NEAT1: variants seen among roughly 807,000 people sequenced by gnomAD.
NEAT1 encodes MENepsilon/beta.
chr11:65,430,394 T>C (rs551131323), exon 1 of NEAT1: 1 of 152,376 alleles, frequency 6.6e-6, no homozygotes, highest in South Asian at 2.1e-4. Flanking sequence ...TCCAGTAGTA[T>C]TTCCCTGTAC....
At chr11:65,444,305 GTGT>G (rs1856743877) in exon 1 of NEAT1, 2 of 383,634 alleles carry the variant, frequency 5.2e-6, no homozygotes, top group African/African-American at 4.9e-5. Context: ...GTGTGTGTGT[GTGT>G]GTGTGTGTGT....
At chr11:65,436,635 A>G (rs1378357042) in exon 1 of NEAT1, 4 of 152,216 alleles carry the variant, frequency 2.6e-5, no homozygotes, top group African/African-American at 9.6e-5. Flanking sequence ...CCTGTCTTGC[A>G]CTGTGGACTG....
chr11:65,427,784 G>A (rs613316), exon 1 of NEAT1: 97,645 of 151,950 alleles, frequency 0.64, 33,027 homozygotes, highest in Non-Finnish European at 0.74. Flanking sequence ...CTTGTTTCTC[G>A]TCCTGTTTTT....
At chr11:65,424,667 G>A (rs1002592156) in exon 1 of NEAT1, 4 of 152,252 alleles carry the variant, frequency 2.6e-5, no homozygotes, top group African/African-American at 9.7e-5. Context: ...GAGGGTACAA[G>A]TTGGTCATTC....
chr11:65,423,996 C>T (rs1161514344), exon 1 of NEAT1: 1 of 152,254 alleles, frequency 6.6e-6, no homozygotes, highest in East Asian at 1.9e-4. Flanking sequence ...AACCGGGAGA[C>T]ATGGAGTCCC....
At chr11:65,426,806 A>G (rs1418246215) in exon 1 of NEAT1, 2 of 152,212 alleles carry the variant, frequency 1.3e-5, no homozygotes, top group African/African-American at 2.4e-5. Flanking sequence ...GTGGGTGTGT[A>G]GGTGGGGAGT....
exon 1 of NEAT1, chr11:65,432,610 G>A (rs1366613421): frequency 6.7e-6 from 1 of 149,754 alleles, no homozygotes; most frequent in African/African-American, 2.5e-5. Context: ...ATACTGTCTT[G>A]GTTTTTTCGT....
chr11:65,444,452 T>G (rs1321515005), exon 1 of NEAT1: 1 of 472,268 alleles, frequency 2.1e-6, no homozygotes, highest in Non-Finnish European at 4.4e-6. Context: ...TCTCTGAGCC[T>G]CTGCTTCCCA....
chr11:65,443,366 C>T lies in NEAT1; in HGVS notation n.20569C>T, dbSNP rs552755002. 68 of 152,368 alleles carry T rather than the reference C, an allele frequency of 4.5e-4. 1 individual carries two copies. The highest frequency in any genetic ancestry group is 1.5e-3 in the African/African-American group (63 of 41,584). 9.4% of individuals were successfully genotyped at this position (152,368 alleles called of 1,614,324 possible). A position where few individuals can be genotyped will look rare whatever the true frequency, so the allele number is the denominator to read the frequency against. On this transcript the variant is annotated non_coding_transcript_exon_variant, in exon 1 of 1. Coordinates refer to ENST00000501122, the Ensembl canonical transcript of NEAT1. ...TGTGCACACATGTGCACACACACTC[C>T]GCTGTCTTCTTGTTTGCACTGGACT...
chr11:65,424,570 T>A (rs2134886441), exon 1 of NEAT1: 1 of 152,332 alleles, frequency 6.6e-6, no homozygotes, highest in African/African-American at 2.4e-5. Context: ...TGAAGAGCTG[T>A]TTAATTTTAA....
At chr11:65,442,355 CA>C (rs111740996) in exon 1 of NEAT1, 3 of 144,028 alleles carry the variant, frequency 2.1e-5, no homozygotes, top group African/African-American at 7.5e-5. Context: ...CAGCCCTAAC[CA>C]GGGGTGGGGA....
exon 1 of NEAT1, chr11:65,444,885 G>A (rs749615943): frequency 1.7e-4 from 39 of 232,520 alleles, no homozygotes; most frequent in Non-Finnish European, 2.7e-4. Flanking sequence ...AGGCAGGCGG[G>A]CGTCTGCGTG....
chr11:65,439,410 A>C (rs558401911), exon 1 of NEAT1: 19 of 152,264 alleles, frequency 1.2e-4, no homozygotes, highest in African/African-American at 4.6e-4. Context: ...TGGCTGTGCA[A>C]GGTGGCTCAC....
At chr11:65,424,707 T>TA (rs951159176) in exon 1 of NEAT1, 2 of 152,242 alleles carry the variant, frequency 1.3e-5, no homozygotes, top group African/African-American at 4.8e-5. Flanking sequence ...ATGGCAGGTC[T>TA]AGTTTGGGCA....
At chr11:65,440,583 C>G (rs923230229) in exon 1 of NEAT1, 1 of 151,792 alleles carries the variant, frequency 6.6e-6, no homozygotes, top group Non-Finnish European at 1.5e-5. Context: ...TGAAGCAGGA[C>G]TTGTAAAGCA....
At chr11:65,436,018 G>A (rs1348699638) in exon 1 of NEAT1, 1 of 152,260 alleles carries the variant, frequency 6.6e-6, no homozygotes, top group African/African-American at 2.4e-5. Context: ...AGTGCTGTCT[G>A]CGCCTGCCCT....
At chr11:65,437,536 GA>G (rs907074416) in exon 1 of NEAT1, 2 of 151,970 alleles carry the variant, frequency 1.3e-5, no homozygotes, top group Non-Finnish European at 1.5e-5. Context: ...TCAAAATAGC[GA>G]AGGGAAGCCC....
At chr11:65,434,110 A>G (rs929501637) in exon 1 of NEAT1, 2 of 152,106 alleles carry the variant, frequency 1.3e-5, no homozygotes, top group South Asian at 2.1e-4. Context: ...TAGTTCATTT[A>G]GTTTGTTTAC....
chr11:65,427,659 A>C (rs1856574967), exon 1 of NEAT1: 2 of 151,954 alleles, frequency 1.3e-5, no homozygotes, highest in South Asian at 4.2e-4. Flanking sequence ...TTCTGCTTGC[A>C]ACTCCTTTCC....
Sources: allele counts gnomAD v4.1 joint callset, GRCh38; gene constraint gnomAD v4.1.1; transcripts MANE v1.5; gene names NCBI Gene and HGNC (gene_info 2026-07-23, HGNC 2026-07-21).